PTPN4: variants seen among roughly 807,000 people sequenced by gnomAD.
PTPN4 encodes tyrosine-protein phosphatase non-receptor type 4.
PTPN4 carries 49 observed loss-of-function variants against 135.5 expected under a neutral mutation model. The observed-to-expected ratio is 0.36, with a 90% CI of 0.29 to 0.46. The LOEUF is 0.46. Ranked by LOEUF, PTPN4 falls within the 20% of genes least tolerant of loss-of-function variation. The pLI is 1.00. For missense variants in PTPN4, 860 were observed against 1,101.0 expected, an observed-to-expected ratio of 0.78 and a Z score of 3.10; for synonymous variants, 333 against 369.9, an observed-to-expected ratio of 0.90 and a Z score of 1.14.
chr2:119,884,421 T>C (rs2105004047), intron 8 of PTPN4, among the ~76,000 whole-genome samples: 1 of 152,336 alleles, frequency 6.6e-6, no homozygotes, highest in East Asian at 1.9e-4. Context: ...CCACAGAGAC[T>C]GTATGTCCTA....
intron 15 of PTPN4, among the ~76,000 whole-genome samples, chr2:119,940,705 A>C (rs1240260789): frequency 6.6e-6 from 1 of 152,148 alleles, no homozygotes; most frequent in Admixed American, 6.5e-5. Context: ...AAGAGCCATC[A>C]ATTTCTGGCA....
At chr2:119,898,387 TAGA>T (rs1321822919) in intron 9 of PTPN4, among the ~76,000 whole-genome samples, 10 of 151,978 alleles carry the variant, frequency 6.6e-5, no homozygotes, top group African/African-American at 2.4e-4. Flanking sequence ...CTGGCTAGAG[TAGA>T]AGATTTTTAC....
chr2:119,907,428 C>T (rs1012642534), intron 10 of PTPN4, among the ~76,000 whole-genome samples: 7 of 125,364 alleles, frequency 5.6e-5, no homozygotes, highest in South Asian at 5.8e-4. Flanking sequence ...AGCAAGACCT[C>T]GTCTCTATAA....
At chr2:119,795,658 C>T (rs527560022) in intron 1 of PTPN4, among the ~76,000 whole-genome samples, 18 of 152,240 alleles carry the variant, frequency 1.2e-4, no homozygotes, top group Admixed American at 2.6e-4. Flanking sequence ...GGGGGCCTTC[C>T]TGGGTCCCCC....
intron 2 of PTPN4, among the ~76,000 whole-genome samples, chr2:119,845,073 A>G (rs1454789147): frequency 2.0e-5 from 3 of 149,550 alleles, no homozygotes; most frequent in Non-Finnish European, 3.0e-5. Flanking sequence ...CAACACAGCG[A>G]AACCCCGTCT....
intron 16 of PTPN4, among the ~76,000 whole-genome samples, chr2:119,945,835 T>C (rs1679125145): frequency 1.3e-5 from 2 of 152,120 alleles, no homozygotes; most frequent in Admixed American, 1.3e-4. Flanking sequence ...GAAAATATTC[T>C]AAAATTAGAT....
intron 3 of PTPN4, among the ~76,000 whole-genome samples, chr2:119,871,074 C>A (rs1263428583): frequency 6.6e-6 from 1 of 150,414 alleles, no homozygotes; most frequent in Non-Finnish European, 1.5e-5. Flanking sequence ...ATAGCATGAA[C>A]AGAAGAAGAG....
intron 6 of PTPN4, 85 bp from the exon 7 acceptor site, chr2:119,882,012 C>G: frequency 7.7e-7 from 1 of 1,290,402 alleles, no homozygotes; most frequent in South Asian, 1.2e-5. Flanking sequence ...CATGAAACTT[C>G]AAGTGTGATT....
rs189870085 is a variant in PTPN4, at chr2:119,948,913, A to G, written c.1656+2339A>G. ...ATTACAGGTATTCTGTATTTTTTTAATTGTCTGGATCATGACAATGAGCAT... is the reference window on the plus strand; with the variant it reads ...ATTACAGGTATTCTGTATTTTTTTAGTTGTCTGGATCATGACAATGAGCAT... On this transcript the variant is annotated intron_variant, in intron 18 of 26. Coordinates refer to ENST00000263708, the MANE Select transcript of PTPN4 (RefSeq NM_002830.4). Among the ~76,000 whole-genome samples, 24 of 152,272 alleles carry G rather than the reference A, an allele frequency of 1.6e-4. No homozygotes were observed. The East Asian group carries it at 3.7e-3, about 23-fold the overall frequency.
rs1678083531 is a variant in PTPN4, at chr2:119,881,794, A to G, written c.377A>G (p.Tyr126Cys). 14 of 1,561,668 alleles carry G rather than the reference A, an allele frequency of 9.0e-6. No homozygotes were observed. Among genetic ancestry groups the G allele is most frequent in the Non-Finnish European group, 1.1e-5 (12 of 1,141,398 alleles). Residue 126 changes from tyrosine to cysteine, a missense_variant, in exon 6 of 27, where the codon TAT becomes TGT. Physicochemically the swap from Tyr to Cys is radical, Grantham distance 194 (BLOSUM62 -2). Around this residue, in one of 2 missense-constraint regions of PTPN4, gnomAD observed 684 missense variants for 807.0 expected, o/e 0.85. Coordinates refer to ENST00000263708, the MANE Select transcript of PTPN4 (RefSeq NM_002830.4). ...GTTTGTTTGTTTTTAAGGTACCAGT[A>G]TTTTTTGCAAATTAAACAAGACATT... ...KLQEEYTRYQYFLQIKQDILT... is the reference protein window; with the variant it reads ...KLQEEYTRYQCFLQIKQDILT...
At chr2:119,761,652 A>G (rs1690503434) in intron 1 of PTPN4, among the ~76,000 whole-genome samples, 1 of 152,288 alleles carries the variant, frequency 6.6e-6, no homozygotes, top group East Asian at 1.9e-4. Context: ...TATGGTACAC[A>G]TATCTTTGTT....
intron 1 of PTPN4, 37 bp from the exon 2 acceptor site, chr2:119,809,800 A>G (rs1691543844): frequency 6.6e-7 from 1 of 1,519,538 alleles, no homozygotes; most frequent in Non-Finnish European, 8.8e-7. Flanking sequence ...TATTTTACGA[A>G]CCTTTTATTT....
intron 2 of PTPN4, among the ~76,000 whole-genome samples, chr2:119,823,578 CT>C (rs1432321705): frequency 1.3e-5 from 2 of 152,144 alleles, no homozygotes; most frequent in Non-Finnish European, 2.9e-5. Flanking sequence ...TTACTATTGT[CT>C]TTTGTATCTT....
At chr2:119,777,562 A>G (rs897312787) in intron 1 of PTPN4, among the ~76,000 whole-genome samples, 5 of 152,242 alleles carry the variant, frequency 3.3e-5, no homozygotes, top group Non-Finnish European at 7.3e-5. Flanking sequence ...AGGGAAAAGT[A>G]GAGGAACATT....
At chr2:119,958,598 C>T (rs1472645980) in intron 22 of PTPN4, among the ~76,000 whole-genome samples, 2 of 152,182 alleles carry the variant, frequency 1.3e-5, no homozygotes, top group African/African-American at 4.8e-5. Flanking sequence ...TCTCACCATT[C>T]GATGTTGTCA....
At chr2:119,963,872 A>G (rs1373671015) in intron 24 of PTPN4, among the ~76,000 whole-genome samples, 1 of 152,164 alleles carries the variant, frequency 6.6e-6, no homozygotes. Context: ...CATAGTCTCT[A>G]TTATACTCCA....
chr2:119,798,641 G>A (rs1691306552), intron 1 of PTPN4, among the ~76,000 whole-genome samples: 1 of 152,156 alleles, frequency 6.6e-6, no homozygotes, highest in Admixed American at 6.5e-5. Context: ...AAGTAAATGT[G>A]GCAGGAAGTG....
chr2:119,961,655 A>G (rs988340360), intron 23 of PTPN4, among the ~76,000 whole-genome samples: 1 of 152,242 alleles, frequency 6.6e-6, no homozygotes, highest in African/African-American at 2.4e-5. Flanking sequence ...AAACAACTCA[A>G]ATATACAAAT....
intron 2 of PTPN4, among the ~76,000 whole-genome samples, chr2:119,813,925 C>A (rs372104121): frequency 6.6e-6 from 1 of 151,940 alleles, no homozygotes; most frequent in East Asian, 1.9e-4. Context: ...TTTAAGGAGT[C>A]AGAGATGATG....
Sources: allele counts gnomAD v4.1 joint callset (sites outside exome capture counted in the v4.1 genomes callset), GRCh38; gene constraint gnomAD v4.1.1; regional missense constraint gnomAD v4.1.1; transcripts MANE v1.5; gene names NCBI Gene and HGNC (gene_info 2026-07-23, HGNC 2026-07-21).